Variants in ELMO1 observed in about 807,000 individuals in gnomAD.
ELMO1 encodes engulfment and cell motility protein 1.
A neutral mutation model predicts 98.9 loss-of-function variants in ELMO1; 26 were observed. That is an observed-to-expected ratio of 0.26 (90% CI 0.19 to 0.36). ELMO1 has a LOEUF of 0.36. Among genes scored for constraint, ELMO1 ranks in the 10% least tolerant of loss-of-function variants. The pLI, the probability that ELMO1 is intolerant of heterozygous loss-of-function variation, is 1.00. For synonymous variants in ELMO1, 346 were observed against 346.0 expected, an observed-to-expected ratio of 1.00 and a Z score of 0.00; for missense variants, 627 against 935.2, an observed-to-expected ratio of 0.67 and a Z score of 4.30.
At chr7:37,384,689 C>T (rs146818193) in intron 1 of ELMO1, among the ~76,000 whole-genome samples, 5,779 of 150,772 alleles carry the variant, frequency 0.038, 160 homozygotes, top group Non-Finnish European at 0.057. Context: ...CACTGCAGTC[C>T]GGCCTGGGCG....
intron 15 of ELMO1, among the ~76,000 whole-genome samples, chr7:37,068,003 T>C (rs1797075325): frequency 6.6e-6 from 1 of 152,146 alleles, no homozygotes; most frequent in African/African-American, 2.4e-5. Context: ...CATTTGCATT[T>C]GAACATTAGA....
At chr7:37,113,106 A>G (rs924859657) in intron 14 of ELMO1, among the ~76,000 whole-genome samples, 1 of 152,256 alleles carries the variant, frequency 6.6e-6, no homozygotes, top group Non-Finnish European at 1.5e-5. Context: ...AAAGGCCAGA[A>G]AGGCAGCTGC....
At chr7:37,419,704 C>T (rs1804390321) in intron 1 of ELMO1, 1 of 152,544 alleles carries the variant, frequency 6.6e-6, no homozygotes, top group Admixed American at 6.5e-5. Flanking sequence ...AAACCTATAC[C>T]ATGTGCACCT....
chr7:37,175,018 C>T (rs1404580688), intron 13 of ELMO1, among the ~76,000 whole-genome samples: 17 of 151,062 alleles, frequency 1.1e-4, no homozygotes, highest in Admixed American at 1.1e-3. Context: ...AAATCAATGG[C>T]GAAGTGGGAC....
chr7:37,154,918 G>A (rs1334763177), intron 13 of ELMO1, among the ~76,000 whole-genome samples: 1 of 152,176 alleles, frequency 6.6e-6, no homozygotes, highest in Non-Finnish European at 1.5e-5. Flanking sequence ...AGAGAGAAAG[G>A]TCAAGTTACC....
At chr7:37,193,235 G>C (rs73108915) in intron 13 of ELMO1, among the ~76,000 whole-genome samples, 163 of 151,866 alleles carry the variant, frequency 1.1e-3, no homozygotes, top group Admixed American at 2.7e-3. Flanking sequence ...TCTTGGTGAG[G>C]GGGGAGGCTC....
intron 16 of ELMO1, among the ~76,000 whole-genome samples, chr7:36,925,911 C>T (rs1351012202): frequency 6.6e-6 from 1 of 152,162 alleles, no homozygotes; most frequent in Non-Finnish European, 1.5e-5. Context: ...CCCAGCACCA[C>T]CCCCTTGGCC....
intron 20 of ELMO1, among the ~76,000 whole-genome samples, chr7:36,864,913 T>C (rs528190924): frequency 2.0e-5 from 3 of 152,340 alleles, no homozygotes; most frequent in African/African-American, 7.2e-5. Context: ...GCCTGAGTCC[T>C]AGGGAGAGTG....
chr7:36,865,282 G>A (rs916111031), intron 20 of ELMO1, among the ~76,000 whole-genome samples: 2 of 152,088 alleles, frequency 1.3e-5, no homozygotes, highest in African/African-American at 2.4e-5. Context: ...GATATAACTC[G>A]GCATGTGTGT....
At chr7:37,055,978 A>G (rs1015838067) in intron 15 of ELMO1, among the ~76,000 whole-genome samples, 3 of 152,212 alleles carry the variant, frequency 2.0e-5, no homozygotes, top group African/African-American at 7.2e-5. Context: ...TTAGGAACCA[A>G]TTAATCACAA....
At chr7:37,213,550 T>C (rs1437790516) in intron 11 of ELMO1, 93 bp from the exon 12 acceptor site, 3 of 1,235,900 alleles carry the variant, frequency 2.4e-6, no homozygotes, top group Admixed American at 4.4e-5. Flanking sequence ...CAGTCTTCAC[T>C]GGGAGGTATA....
At chr7:37,328,191 T>C (rs1477411130) in intron 2 of ELMO1, among the ~76,000 whole-genome samples, 1 of 152,034 alleles carries the variant, frequency 6.6e-6, no homozygotes, top group African/African-American at 2.4e-5. Flanking sequence ...GAGACCAGCC[T>C]GGCCACATGG....
At chr7:36,990,415 AG>A (rs1478747712) in intron 16 of ELMO1, among the ~76,000 whole-genome samples, 2 of 152,170 alleles carry the variant, frequency 1.3e-5, no homozygotes, top group Admixed American at 1.3e-4. Flanking sequence ...GATGATAGGT[AG>A]CCTATCATCC....
At chr7:37,341,629 T>G (rs1193019786) in intron 2 of ELMO1, among the ~76,000 whole-genome samples, 1 of 152,228 alleles carries the variant, frequency 6.6e-6, no homozygotes, top group Admixed American at 6.5e-5. Context: ...ATAATTCATT[T>G]TAATGATTCC....
chr7:37,155,503 A>AAAAAAAAAAAAAAAAAAAAAAT (rs61189239), intron 13 of ELMO1, among the ~76,000 whole-genome samples: 3 of 131,738 alleles, frequency 2.3e-5, no homozygotes, highest in South Asian at 2.4e-4. Context: ...AAAAAAAAAA[A>AAAAAAAAAAAAAAAAAAAAAAT]AAAAAGCAGG....
chr7:36,996,422 A>ATT (rs1554386153), intron 16 of ELMO1, among the ~76,000 whole-genome samples: 5 of 151,962 alleles, frequency 3.3e-5, no homozygotes, highest in African/African-American at 1.2e-4. Flanking sequence ...GCTCATATAT[A>ATT]TTTCTTTCTT....
At chr7:37,393,990 A>G (rs1212365465) in intron 1 of ELMO1, 2 of 152,186 alleles carry the variant, frequency 1.3e-5, no homozygotes, top group Non-Finnish European at 2.9e-5. Flanking sequence ...TTTAAGTCCT[A>G]CTCACACAAT....
intron 13 of ELMO1, among the ~76,000 whole-genome samples, chr7:37,172,045 A>T (rs1790201645): frequency 6.6e-6 from 1 of 152,240 alleles, no homozygotes; most frequent in Admixed American, 6.5e-5. Flanking sequence ...GACATTTAAA[A>T]GATACAAGCT....
chr7:36,869,209 C>T lies in ELMO1; in HGVS notation c.1905+1184G>A, dbSNP rs113828593. ...CCCTGCCATCAGTATGCTTGCCAAT[C>T]AAATGCATTACATGACAATGCTGTG... On this transcript the variant is annotated intron_variant, in intron 20 of 21. Transcript: ENST00000310758. Among the ~76,000 whole-genome samples the T allele has an allele frequency of 5.8e-3, 887 of 152,144 alleles. 10 individuals carry two copies. The highest frequency in any genetic ancestry group is 0.02 in the African/African-American group (824 of 41,472).
Sources: gnomAD v4.1 joint callset for allele counts (sites outside exome capture counted in the v4.1 genomes callset) on GRCh38, gnomAD v4.1.1 for gene constraint, MANE v1.5 for transcripts, NCBI Gene and HGNC (gene_info 2026-07-23, HGNC 2026-07-21) for gene names.